CCDC170: variants seen among roughly 807,000 people sequenced by gnomAD.
CCDC170 encodes the protein coiled-coil domain containing 170.
In CCDC170, 69 loss-of-function variants were observed where a neutral mutation model predicts 72.6. That is an observed-to-expected ratio of 0.95 (90% CI 0.78 to 1.16). The LOEUF (loss-of-function observed/expected upper bound fraction) is 1.16, where lower values mean the gene tolerates loss of function less well. Ranked by LOEUF, CCDC170 falls within the 50% of genes most tolerant of loss-of-function variation. CCDC170 has a pLI of 0.00. For missense variants in CCDC170, 852 were observed against 832.5 expected (o/e 1.02, Z -0.29); for synonymous variants, 300 against 303.9 (o/e 0.99, Z 0.13).
chr6:151,618,291 G>C lies in CCDC170; in HGVS notation c.*144G>C, dbSNP rs571857784. 25 of 681,206 alleles carry C rather than the reference G, an allele frequency of 3.7e-5. No individual in the cohort carries two copies. The South Asian group carries it at 5.3e-4, about 14-fold the overall frequency. The allele number at this position is 681,206 out of a possible 1,614,324, so 42.2% of individuals were successfully genotyped here. A position where few individuals can be genotyped will look rare whatever the true frequency, so the allele number is the denominator to read the frequency against. On this transcript the variant is annotated 3_prime_UTR_variant, in exon 11 of 11. Coordinates refer to ENST00000239374, the MANE Select transcript of CCDC170 (RefSeq NM_025059.4). ...GTGAGAATGCATCACTTGCAAAAAC[G>C]ATCTCAAAAGTGTCAGCCTTAGATA...
At chr6:151,546,991 T>TACA (rs2115057099) in intron 4 of CCDC170, among the ~76,000 whole-genome samples, 1 of 58,932 alleles carries the variant, frequency 1.7e-5, no homozygotes, top group Admixed American at 1.9e-4. Context: ...GTGCCTGTCT[T>TACA]AAGAAGAAAA....
At chr6:151,528,683 C>CA (rs970972659) in intron 1 of CCDC170, among the ~76,000 whole-genome samples, 91 of 151,978 alleles carry the variant, frequency 6.0e-4, no homozygotes, top group African/African-American at 2.1e-3. Flanking sequence ...ACTAAAAATA[C>CA]AAAAATTAGC....
intron 6 of CCDC170, 106 bp downstream of exon 6, chr6:151,573,597 C>T (rs1198908173): frequency 2.8e-6 from 3 of 1,069,418 alleles, no homozygotes; most frequent in African/African-American, 1.6e-5. Flanking sequence ...ATAAGAAATA[C>T]CCGAGACTGG....
intron 5 of CCDC170, among the ~76,000 whole-genome samples, chr6:151,560,910 A>G (rs988459514): frequency 2.0e-5 from 3 of 151,978 alleles, no homozygotes; most frequent in African/African-American, 4.8e-5. Flanking sequence ...TTTTAATCCA[A>G]TTTACCACTC....
At chr6:151,526,117 T>A (rs868474057) in intron 1 of CCDC170, among the ~76,000 whole-genome samples, 2 of 148,750 alleles carry the variant, frequency 1.3e-5, no homozygotes, top group African/African-American at 5.1e-5. Flanking sequence ...CCTTCCTTCC[T>A]TTCTTCCTTC....
At chr6:151,573,092 G>A in intron 5 of CCDC170, 82 bp from the exon 6 acceptor site, 1 of 1,289,020 alleles carries the variant, frequency 7.8e-7, no homozygotes, top group Middle Eastern at 2.8e-4. Context: ...AGCAGGCAAA[G>A]TCAATGAATT....
chr6:151,601,425 T>C (rs76507973), intron 9 of CCDC170, among the ~76,000 whole-genome samples: 27 of 152,146 alleles, frequency 1.8e-4, no homozygotes, highest in Admixed American at 1.3e-4. Flanking sequence ...GTTCATCCCA[T>C]GTTGTACCAT....
chr6:151,537,921 ATAAAGT>A (rs1194139201), intron 2 of CCDC170, 118 bp from the exon 3 acceptor site: 5 of 948,640 alleles, frequency 5.3e-6, no homozygotes, highest in African/African-American at 1.7e-5. Flanking sequence ...TAGAAAAAAA[ATAAAGT>A]TAGATTAAGT....
chr6:151,567,738 A>G (rs1159230271), intron 5 of CCDC170, among the ~76,000 whole-genome samples: 1 of 152,190 alleles, frequency 6.6e-6, no homozygotes, highest in Admixed American at 6.5e-5. Context: ...TTCAGTGTAC[A>G]ACAGATAGCA....
At chr6:151,536,699 C>T (rs1297000852) in intron 2 of CCDC170, among the ~76,000 whole-genome samples, 5 of 134,888 alleles carry the variant, frequency 3.7e-5, no homozygotes, top group South Asian at 4.8e-4. Flanking sequence ...CACTTGAATC[C>T]GGGAGGTGGA....
At chr6:151,614,829 C>T (rs1205469853) in intron 9 of CCDC170, among the ~76,000 whole-genome samples, 1 of 152,122 alleles carries the variant, frequency 6.6e-6, no homozygotes, top group Non-Finnish European at 1.5e-5. Flanking sequence ...CACCCTCCAG[C>T]ATACTGTGTG....
chr6:151,517,146 C>A (rs992714352), intron 1 of CCDC170, among the ~76,000 whole-genome samples: 2 of 152,060 alleles, frequency 1.3e-5, no homozygotes, highest in Admixed American at 1.3e-4. Flanking sequence ...ACCAGCCTGA[C>A]CAACATGGAG....
At chr6:151,535,097 C>G (rs113460147) in intron 1 of CCDC170, among the ~76,000 whole-genome samples, 18 of 152,312 alleles carry the variant, frequency 1.2e-4, no homozygotes, top group Admixed American at 1.3e-4. Context: ...AGCCCACAGG[C>G]CAAACCCACC....
rs1160144892 is a variant in CCDC170, at chr6:151,620,300, G to A, written c.*2153G>A. ...GGATGACAGACCACACAGAGGGAGA[G>A]TGACCAGGCTTTGCTTGTGGAGCGG... On this transcript the variant is annotated 3_prime_UTR_variant, in exon 11 of 11. Coordinates refer to ENST00000239374, the MANE Select transcript of CCDC170 (RefSeq NM_025059.4). 4 of 152,192 alleles carry A rather than the reference G, an allele frequency of 2.6e-5. No homozygotes were observed. The highest frequency in any genetic ancestry group is 7.2e-5 in the African/African-American group (3 of 41,438). The allele number at this position is 152,192 out of a possible 1,614,324, so 9.4% of individuals were successfully genotyped here.
intron 8 of CCDC170, among the ~76,000 whole-genome samples, chr6:151,595,096 C>T (rs1251277079): frequency 1.3e-5 from 2 of 152,186 alleles, no homozygotes; most frequent in Non-Finnish European, 1.5e-5. Flanking sequence ...GTAAGTCTTT[C>T]CACCTGTTAC....
At chr6:151,573,970 C>G (rs76945073) in intron 6 of CCDC170, among the ~76,000 whole-genome samples, 19,127 of 152,248 alleles carry the variant, frequency 0.13, 1,386 homozygotes, top group African/African-American at 0.2. Flanking sequence ...AAGGCCAGGC[C>G]TGGTGGCCTA....
chr6:151,571,617 C>T (rs553679547), intron 5 of CCDC170, among the ~76,000 whole-genome samples: 2 of 152,064 alleles, frequency 1.3e-5, no homozygotes. Flanking sequence ...ATCCCATCTA[C>T]TCGGGAGGCT....
intron 1 of CCDC170, among the ~76,000 whole-genome samples, chr6:151,507,606 G>A (rs1782083235): frequency 6.6e-6 from 1 of 152,158 alleles, no homozygotes; most frequent in Admixed American, 6.5e-5. Flanking sequence ...GAAACTGTGT[G>A]TAGAAACATT....
intron 6 of CCDC170, among the ~76,000 whole-genome samples, chr6:151,582,242 G>A (rs1776388302): frequency 1.3e-5 from 2 of 152,234 alleles, no homozygotes; most frequent in South Asian, 4.1e-4. Flanking sequence ...CTTCATCAAT[G>A]ATCTTAGCTA....
Sources: gnomAD v4.1 joint callset for allele counts (sites outside exome capture counted in the v4.1 genomes callset) on GRCh38, gnomAD v4.1.1 for gene constraint, MANE v1.5 for transcripts, NCBI Gene and HGNC (gene_info 2026-07-23, HGNC 2026-07-21) for gene names.